Variants in RIMS1 observed in about 807,000 individuals in gnomAD.
RIMS1 encodes the protein regulating synaptic membrane exocytosis protein 1.
In RIMS1, 83 loss-of-function variants were observed where a neutral mutation model predicts 214.1. The observed-to-expected ratio is 0.39, with a 90% CI of 0.32 to 0.47. RIMS1 has a LOEUF of 0.47. Ranked by LOEUF, RIMS1 falls within the 20% of genes least tolerant of loss-of-function variation. The pLI is 0.99. For synonymous variants in RIMS1, 793 were observed against 786.8 expected (o/e 1.01, Z -0.13); for missense variants, 2,050 against 2,161.8 (o/e 0.95, Z 1.03).
chr6:72,369,773 G>A (rs1233835146), intron 29 of RIMS1, among the ~76,000 whole-genome samples: 1 of 152,218 alleles, frequency 6.6e-6, no homozygotes, highest in Non-Finnish European at 1.5e-5. Context: ...TGACACATCA[G>A]AAAACCCCAA....
At chr6:72,316,565 G>T in intron 28 of RIMS1, 2 of 396,716 alleles carry the variant, frequency 5.0e-6, no homozygotes, top group South Asian at 2.2e-5. Flanking sequence ...GATGGGAGGT[G>T]GAGGGAGGAG....
intron 23 of RIMS1, among the ~76,000 whole-genome samples, chr6:72,276,120 C>T (rs1216019317): frequency 6.6e-6 from 1 of 152,146 alleles, no homozygotes; most frequent in Non-Finnish European, 1.5e-5. Context: ...GGGTGAGGTG[C>T]ACACACAGTC....
intron 2 of RIMS1, among the ~76,000 whole-genome samples, chr6:72,037,072 C>A (rs1009944046): frequency 4.6e-5 from 7 of 151,962 alleles, no homozygotes; most frequent in Admixed American, 2.0e-4. Flanking sequence ...TCACCCTTTG[C>A]CATTATAAAA....
At chr6:72,255,996 G>A (rs1490399017) in intron 16 of RIMS1, among the ~76,000 whole-genome samples, 6 of 134,354 alleles carry the variant, frequency 4.5e-5, no homozygotes, top group African/African-American at 1.7e-4. Context: ...AGGTCATCCA[G>A]CCTGGGTGAC....
chr6:72,250,271 AT>A (rs2072590327), intron 12 of RIMS1, 58 bp from the exon 13 acceptor site: 1 of 1,513,798 alleles, frequency 6.6e-7, no homozygotes, highest in East Asian at 2.3e-5. Flanking sequence ...ATTTTGTTTT[AT>A]GTAAAATTGT....
At chr6:72,113,522 C>G (rs1254104615) in intron 4 of RIMS1, among the ~76,000 whole-genome samples, 1 of 152,118 alleles carries the variant, frequency 6.6e-6, no homozygotes. Context: ...TAGTAGCCCT[C>G]TGCCAATTGA....
At chr6:72,398,153 A>G (rs2098800633) in intron 31 of RIMS1, 96 bp from the exon 32 acceptor site, 3 of 678,428 alleles carry the variant, frequency 4.4e-6, no homozygotes, top group Admixed American at 4.8e-5. Context: ...AATCATGAAG[A>G]TAAAAATCTG....
intron 2 of RIMS1, among the ~76,000 whole-genome samples, chr6:72,083,795 T>C (rs1833997977): frequency 6.6e-6 from 1 of 152,150 alleles, no homozygotes; most frequent in Non-Finnish European, 1.5e-5. Context: ...TTATCACCAG[T>C]TCATAAATGA....
At chr6:72,032,565 C>G (rs577651313) in intron 2 of RIMS1, among the ~76,000 whole-genome samples, 1 of 152,046 alleles carries the variant, frequency 6.6e-6, no homozygotes, top group Non-Finnish European at 1.5e-5. Flanking sequence ...TGTATAAATC[C>G]TCTGTAAATA....
At chr6:72,160,930 A>AT (rs1425453521) in intron 4 of RIMS1, among the ~76,000 whole-genome samples, 1 of 138,936 alleles carries the variant, frequency 7.2e-6, no homozygotes, top group African/African-American at 2.5e-5. Context: ...CTCTTTTTCT[A>AT]TTGATTGGAA....
At chr6:72,184,892 T>C (rs1256989456) in intron 6 of RIMS1, among the ~76,000 whole-genome samples, 1 of 152,132 alleles carries the variant, frequency 6.6e-6, no homozygotes, top group Non-Finnish European at 1.5e-5. Flanking sequence ...CCTCTATGTA[T>C]AAAACTATTA....
In RIMS1 at chr6:72,400,900, T is replaced by A; in HGVS notation, c.*186T>A. On this transcript the variant is annotated 3_prime_UTR_variant, in exon 34 of 34. Coordinates refer to ENST00000521978, the MANE Select transcript of RIMS1 (RefSeq NM_014989.7). ...GGCTTCATATGACAGAACAAGGCAA[T>A]CTATCAAATTTACAGGAAGAATCAA... 1.8e-6 allele frequency: 1 copy of A among 552,538 alleles called. No individual in the cohort carries two copies. The highest frequency in any genetic ancestry group is 3.2e-6 in the Non-Finnish European group (1 of 312,190). The allele number at this position is 552,538 out of a possible 1,614,324, so 34.2% of individuals were successfully genotyped here. A position where few individuals can be genotyped will look rare whatever the true frequency, so the allele number is the denominator to read the frequency against.
chr6:72,394,316 T>C (rs2098748384), intron 31 of RIMS1, among the ~76,000 whole-genome samples: 1 of 152,116 alleles, frequency 6.6e-6, no homozygotes, highest in Admixed American at 6.6e-5. Context: ...TAATTAAGTG[T>C]AGGGAAAAAG....
chr6:72,177,552 G>A (rs1028219808), intron 4 of RIMS1, among the ~76,000 whole-genome samples: 1 of 152,012 alleles, frequency 6.6e-6, no homozygotes, highest in Non-Finnish European at 1.5e-5. Context: ...ACACCTGGCT[G>A]AAAAGAACCT....
chr6:72,304,098 G>A (rs944808199), intron 26 of RIMS1, among the ~76,000 whole-genome samples: 1 of 151,212 alleles, frequency 6.6e-6, no homozygotes, highest in African/African-American at 2.4e-5. Context: ...TGGCATTTAT[G>A]AAATTTTTAA....
chr6:72,010,718 C>T (rs1410290764), intron 2 of RIMS1, among the ~76,000 whole-genome samples: 1 of 152,134 alleles, frequency 6.6e-6, no homozygotes, highest in Non-Finnish European at 1.5e-5. Flanking sequence ...TGAGTGAACT[C>T]CCATTCACAA....
chr6:72,035,368 A>G (rs1253880124), intron 2 of RIMS1, among the ~76,000 whole-genome samples: 1 of 152,136 alleles, frequency 6.6e-6, no homozygotes, highest in Non-Finnish European at 1.5e-5. Context: ...TATAGTTTAG[A>G]TATAGATTTT....
rs1267158582 is a variant in RIMS1 at position 71,978,756 on chromosome 6, T to C, written c.245+9693T>C. Reference sequence around the variant, plus strand: ...AGTTGTTTTCACATAAAATAAGAGATGTTTAATGTCACAGGCTATAGTTGT... The same window carrying C: ...AGTTGTTTTCACATAAAATAAGAGACGTTTAATGTCACAGGCTATAGTTGT... On this transcript the variant is annotated intron_variant, in intron 2 of 33. Transcript: ENST00000521978. 3.9e-5 allele frequency among the ~76,000 whole-genome samples: 6 copies of C among 152,234 alleles called. No homozygotes were observed. The East Asian group carries it at 9.6e-4, about 24-fold the overall frequency.
At chr6:72,098,289 CTT>C (rs58934201) in intron 3 of RIMS1, among the ~76,000 whole-genome samples, 17,753 of 143,384 alleles carry the variant, frequency 0.12, 1,222 homozygotes, top group South Asian at 0.19. Flanking sequence ...ATCAATATAT[CTT>C]TTTTTTTTTT....
Sources: allele counts gnomAD v4.1 joint callset (sites outside exome capture counted in the v4.1 genomes callset), GRCh38; gene constraint gnomAD v4.1.1; transcripts MANE v1.5; gene names NCBI Gene and HGNC (gene_info 2026-07-23, HGNC 2026-07-21).